The following GPC5 variants were observed in gnomAD, a reference collection of about 807,000 sequenced individuals.
The protein encoded by GPC5 is glypican-5.
In GPC5, 47 loss-of-function variants were observed where a neutral mutation model predicts 53.9. That is an observed-to-expected ratio of 0.87 (90% CI 0.69 to 1.11). The LOEUF (loss-of-function observed/expected upper bound fraction) is 1.11. GPC5 is among the 50% of genes most tolerant of loss of function. The pLI is 0.00. For synonymous variants in GPC5, 286 were observed against 263.3 expected (o/e 1.09, Z -0.84); for missense variants, 748 against 713.1 (o/e 1.05, Z -0.56).
chr13:92,660,415 A>G (rs1886295193), intron 7 of GPC5, among the ~76,000 whole-genome samples: 1 of 152,066 alleles, frequency 6.6e-6, no homozygotes, highest in Non-Finnish European at 1.5e-5. Context: ...CAAGAGGTGT[A>G]TGTATATATG....
chr13:92,071,122 A>G (rs966193390), intron 6 of GPC5, among the ~76,000 whole-genome samples: 1 of 151,964 alleles, frequency 6.6e-6, no homozygotes, highest in African/African-American at 2.4e-5. Context: ...TGTAGTCCCA[A>G]CTACTCAGGA....
intron 7 of GPC5, among the ~76,000 whole-genome samples, chr13:92,283,990 G>T (rs7998498): frequency 6.6e-6 from 1 of 151,910 alleles, no homozygotes; most frequent in Non-Finnish European, 1.5e-5. Context: ...TTGATAGACC[G>T]CTAGCAAGAC....
chr13:91,606,879 A>G (rs9523376), intron 2 of GPC5, among the ~76,000 whole-genome samples: 108,640 of 150,284 alleles, frequency 0.72, 41,941 homozygotes, highest in East Asian at 0.92. Context: ...GCGGTCTATC[A>G]ATTTTGTTGA....
At chr13:91,843,069 T>C (rs999317820) in intron 5 of GPC5, among the ~76,000 whole-genome samples, 1 of 152,204 alleles carries the variant, frequency 6.6e-6, no homozygotes, top group Non-Finnish European at 1.5e-5. Context: ...GCCATAGCCA[T>C]GAATGTTAAC....
chr13:92,338,358 G>A (rs1242686121), intron 7 of GPC5, among the ~76,000 whole-genome samples: 1 of 152,066 alleles, frequency 6.6e-6, no homozygotes, highest in African/African-American at 2.4e-5. Context: ...TACTCTGGAA[G>A]ACAGTTTCTT....
At chr13:92,703,452 T>C (rs1887830191) in intron 7 of GPC5, among the ~76,000 whole-genome samples, 1 of 151,666 alleles carries the variant, frequency 6.6e-6, no homozygotes, top group Non-Finnish European at 1.5e-5. Flanking sequence ...CAATATTATA[T>C]CTGCCTTTTG....
At chr13:92,415,290 G>A (rs1362904063) in intron 7 of GPC5, among the ~76,000 whole-genome samples, 1 of 152,178 alleles carries the variant, frequency 6.6e-6, no homozygotes, top group Non-Finnish European at 1.5e-5. Flanking sequence ...GTGAATTGGA[G>A]GAAGCCCTGA....
At chr13:91,523,648 A>G (rs1046829262) in intron 2 of GPC5, among the ~76,000 whole-genome samples, 2 of 152,192 alleles carry the variant, frequency 1.3e-5, no homozygotes, top group African/African-American at 2.4e-5. Context: ...CATCAAATGT[A>G]AAGCATGACT....
intron 7 of GPC5, among the ~76,000 whole-genome samples, chr13:92,174,768 C>A (rs2042097751): frequency 6.6e-6 from 1 of 151,942 alleles, no homozygotes; most frequent in Non-Finnish European, 1.5e-5. Flanking sequence ...AAACAAATAG[C>A]GATGTCATAG....
Position 92,819,778 on chromosome 13 carries a change from G to A in GPC5, c.1562-46504G>A, listed in dbSNP as rs574962862. On this transcript the variant is annotated intron_variant, in intron 7 of 7. Transcript: ENST00000377067. ...TTACTATTTTATTTGGGGGGTAGAG[G>A]AGGAATTTTTTAATTATAATTTTCA... is the stretch of plus-strand genomic sequence containing the variant. Among the ~76,000 whole-genome samples, 3 of 152,220 alleles carry A rather than the reference G, an allele frequency of 2.0e-5. No individual in the cohort carries two copies. In the East Asian group the frequency reaches 5.8e-4, roughly 29 times the overall value.
At chr13:91,939,337 C>A (rs1453710528) in intron 6 of GPC5, among the ~76,000 whole-genome samples, 1 of 152,060 alleles carries the variant, frequency 6.6e-6, no homozygotes, top group Non-Finnish European at 1.5e-5. Context: ...TACATATGAA[C>A]AAGCAAGATT....
chr13:91,461,859 G>A (rs543315391), intron 2 of GPC5, among the ~76,000 whole-genome samples: 28 of 152,182 alleles, frequency 1.8e-4, no homozygotes, highest in Non-Finnish European at 3.7e-4. Flanking sequence ...GGATTACTGT[G>A]CCTGATGGGG....
intron 1 of GPC5, among the ~76,000 whole-genome samples, chr13:91,421,931 A>G (rs1177199768): frequency 6.6e-6 from 1 of 152,232 alleles, no homozygotes; most frequent in Non-Finnish European, 1.5e-5. Context: ...ATTGCCCACA[A>G]TGAAGTCAGG....
intron 2 of GPC5, among the ~76,000 whole-genome samples, chr13:91,562,137 C>T (rs2031294772): frequency 7.2e-6 from 1 of 138,754 alleles, no homozygotes; most frequent in South Asian, 2.3e-4. Context: ...GGGAGTTATT[C>T]CCTCACCCCT....
intron 5 of GPC5, among the ~76,000 whole-genome samples, chr13:91,897,303 G>A (rs986927130): frequency 4.0e-5 from 6 of 150,724 alleles, no homozygotes; most frequent in Non-Finnish European, 8.9e-5. Context: ...CAGCTTTTTT[G>A]CTATTCAAAG....
At chr13:92,174,765 T>G (rs1274240935) in intron 7 of GPC5, among the ~76,000 whole-genome samples, 1 of 151,886 alleles carries the variant, frequency 6.6e-6, no homozygotes, top group Non-Finnish European at 1.5e-5. Flanking sequence ...AAAAAACAAA[T>G]AGCGATGTCA....
intron 4 of GPC5, among the ~76,000 whole-genome samples, chr13:91,739,327 C>T (rs1351854808): frequency 6.6e-6 from 1 of 151,360 alleles, no homozygotes; most frequent in Non-Finnish European, 1.5e-5. Context: ...CAACTCATAG[C>T]TGCTCTAGTC....
At chr13:92,586,602 C>A (rs1209020001) in intron 7 of GPC5, among the ~76,000 whole-genome samples, 2 of 152,200 alleles carry the variant, frequency 1.3e-5, no homozygotes, top group African/African-American at 2.4e-5. Flanking sequence ...TGAAGAAAAA[C>A]ACCCAGTGAG....
intron 7 of GPC5, among the ~76,000 whole-genome samples, chr13:92,403,239 A>G (rs1025814291): frequency 6.6e-6 from 1 of 152,234 alleles, no homozygotes; most frequent in Non-Finnish European, 1.5e-5. Flanking sequence ...TACATGAACT[A>G]CCTTAAAGCA....
Sources: gnomAD v4.1 joint callset for allele counts (sites outside exome capture counted in the v4.1 genomes callset) on GRCh38, gnomAD v4.1.1 for gene constraint, MANE v1.5 for transcripts, NCBI Gene and HGNC (gene_info 2026-07-23, HGNC 2026-07-21) for gene names.